KATNAL1: variants seen among roughly 807,000 people sequenced by gnomAD.
KATNAL1 encodes katanin catalytic subunit A1 like 1, also known as katanin p60 ATPase-containing subunit A-like 1.
KATNAL1 carries 32 observed loss-of-function variants against 55.2 expected under a neutral mutation model. The ratio of observed to expected loss-of-function variants is 0.58; its 90% CI spans 0.44 to 0.78. KATNAL1 has a LOEUF of 0.78. KATNAL1 is among the 30% of genes least tolerant of loss of function. The probability of loss-of-function intolerance (pLI) is 0.00; values close to 1 mark genes in which losing one functional copy is unlikely to be tolerated. For synonymous variants in KATNAL1, 193 were observed against 193.6 expected (o/e 1.00, Z 0.02); for missense variants, 466 against 600.9 (o/e 0.78, Z 2.35).
rs377235230 is a variant in KATNAL1, at chr13:30,210,468, T to C, written c.1148-26A>G. 2.5e-6 allele frequency: 4 copies of C among 1,582,504 alleles called. No individual in the cohort carries two copies. In the South Asian group the frequency reaches 3.5e-5, roughly 14 times the overall value. On this transcript the variant is annotated intron_variant, in intron 9 of 10. Coordinates refer to ENST00000380615, the MANE Select transcript of KATNAL1 (RefSeq NM_032116.5). ...CTGTTACAAGATTTTGGTGGTGTTG[T>C]TAGATGTTTTACTTTACAAATAATT...
At chr13:30,304,331 A>C (rs180996070) in intron 1 of KATNAL1, among the ~76,000 whole-genome samples, 1 of 149,954 alleles carries the variant, frequency 6.7e-6, no homozygotes. Flanking sequence ...GTGCAGCAGC[A>C]TGATCTTGGC....
At chr13:30,302,891 C>G (rs983194816) in intron 1 of KATNAL1, among the ~76,000 whole-genome samples, 14 of 152,096 alleles carry the variant, frequency 9.2e-5, no homozygotes, top group African/African-American at 3.4e-4. Flanking sequence ...CACAAAATAA[C>G]CATTCTAAAG....
At chr13:30,270,095 G>A (rs1464316052) in intron 3 of KATNAL1, among the ~76,000 whole-genome samples, 3 of 130,218 alleles carry the variant, frequency 2.3e-5, no homozygotes, top group Admixed American at 1.5e-4. Context: ...CCCCCCGCCC[G>A]GCCAGCCGCC....
At position 30,207,402 on chromosome 13, in the gene KATNAL1, T is replaced by A. The variant is rs1873248656; in HGVS notation, c.*1138A>T. The A allele has an allele frequency of 6.6e-6, 1 of 152,230 alleles. No homozygotes were observed. Among genetic ancestry groups the A allele is most frequent in the African/African-American group, 2.4e-5 (1 of 41,460 alleles). The allele number at this position is 152,230 out of a possible 1,614,324, so 9.4% of individuals were successfully genotyped here. The stretch of plus-strand genomic sequence containing the variant: ...TTTTAGAATTTTCCAATGAACATCA[T>A]TCACTATGTATGATGCTGTTTTGTT... On this transcript the variant is annotated 3_prime_UTR_variant, in exon 11 of 11. Transcript: ENST00000380615.
intron 3 of KATNAL1, among the ~76,000 whole-genome samples, chr13:30,274,899 G>A (rs1175042356): frequency 9.8e-5 from 11 of 112,328 alleles, no homozygotes; most frequent in Non-Finnish European, 1.4e-4. Context: ...ATACGCGCGC[G>A]CGCGCGCGCA....
chr13:30,249,058 CA>C (rs71093034), intron 4 of KATNAL1, among the ~76,000 whole-genome samples: 42 of 140,772 alleles, frequency 3.0e-4, no homozygotes, highest in African/African-American at 2.9e-4. Flanking sequence ...GACTCCGTCT[CA>C]AAAAAAAAAA....
At chr13:30,240,277 T>C (rs1877131415) in intron 6 of KATNAL1, among the ~76,000 whole-genome samples, 183 bp downstream of exon 6, 1 of 152,154 alleles carries the variant, frequency 6.6e-6, no homozygotes, top group Non-Finnish European at 1.5e-5. Context: ...CAAGCCCATC[T>C]CTCCTGCTAT....
At chr13:30,211,699 T>A (rs1873705794) in intron 9 of KATNAL1, among the ~76,000 whole-genome samples, 1 of 152,184 alleles carries the variant, frequency 6.6e-6, no homozygotes, top group Admixed American at 6.5e-5. Context: ...AAGGTCTATC[T>A]GTAAAAACTA....
chr13:30,210,583 C>A, intron 9 of KATNAL1, 141 bp from the exon 10 acceptor site: 3 of 398,814 alleles, frequency 7.5e-6, no homozygotes, highest in Non-Finnish European at 1.3e-5. Flanking sequence ...GTATTATTAC[C>A]AATTCACTGC....
intron 4 of KATNAL1, among the ~76,000 whole-genome samples, chr13:30,247,982 A>T (rs1360186441): frequency 6.6e-6 from 1 of 152,238 alleles, no homozygotes; most frequent in Non-Finnish European, 1.5e-5. Flanking sequence ...TTACCATATA[A>T]GAAATACCAA....
Position 30,284,565 on chromosome 13 carries a change from A to G in KATNAL1, c.-14-774T>C, listed in dbSNP as rs760003610. On this transcript the variant is annotated intron_variant, in intron 1 of 10. Transcript: ENST00000380615. ...GTTATACTTAAAGAATACATTTTAA[A>G]GAACAGTCTATAGTTGTCCATGTAC... 4.6e-5 allele frequency among the ~76,000 whole-genome samples: 7 copies of G among 152,344 alleles called. No individual in the cohort carries two copies. The South Asian group carries it at 1.2e-3, about 27-fold the overall frequency.
At chr13:30,248,046 G>A (rs946183327) in intron 4 of KATNAL1, among the ~76,000 whole-genome samples, 1 of 152,042 alleles carries the variant, frequency 6.6e-6, no homozygotes, top group African/African-American at 2.4e-5. Context: ...CTTGAAAGTG[G>A]GAAACTTAAG....
At chr13:30,305,183 T>G (rs985178674) in intron 1 of KATNAL1, among the ~76,000 whole-genome samples, 6 of 152,318 alleles carry the variant, frequency 3.9e-5, no homozygotes, top group African/African-American at 1.4e-4. Flanking sequence ...GACTGCCCTA[T>G]ATCAAGAAAA....
At chr13:30,248,401 A>C (rs7327725) in intron 4 of KATNAL1, among the ~76,000 whole-genome samples, 32,875 of 152,142 alleles carry the variant, frequency 0.22, 3,567 homozygotes, top group African/African-American at 0.25. Flanking sequence ...CAAGGTAAAA[A>C]AAATAAAAAC....
In KATNAL1 at chr13:30,284,865, G is replaced by A. The variant is rs555291095; in HGVS notation, c.-14-1074C>T. ...GAATCATCCAAGGCTTCTATGCAAA[G>A]ATACTTTCCTCCCAAGACTAAAAAG... is the stretch of plus-strand genomic sequence containing the variant. On this transcript the variant is annotated intron_variant, in intron 1 of 10. Transcript: ENST00000380615. Among the ~76,000 whole-genome samples, 154 of 152,306 alleles carry A rather than the reference G, an allele frequency of 1.0e-3. 1 individual carries two copies. The highest frequency in any genetic ancestry group is 1.7e-3 in the Non-Finnish European group (116 of 68,030).
intron 2 of KATNAL1, among the ~76,000 whole-genome samples, chr13:30,282,735 A>G (rs1303286540): frequency 6.6e-6 from 1 of 151,314 alleles, no homozygotes; most frequent in African/African-American, 2.4e-5. Context: ...CAGGCGGATC[A>G]CGAGGTCAGG....
intron 4 of KATNAL1, among the ~76,000 whole-genome samples, chr13:30,253,053 CTCATTTTCAAA>C (rs1878475123): frequency 1.3e-5 from 2 of 152,178 alleles, no homozygotes; most frequent in Non-Finnish European, 2.9e-5. Flanking sequence ...GGCCCCAACA[CTCATTTTCAAA>C]TGAGCTTTTA....
At chr13:30,209,972 C>T (rs1045140465) in intron 10 of KATNAL1, among the ~76,000 whole-genome samples, 4 of 151,866 alleles carry the variant, frequency 2.6e-5, no homozygotes, top group South Asian at 2.1e-4. Context: ...TTAGTAGAGG[C>T]GGGGTTTCAC....
At chr13:30,254,816 C>T (rs1026198446) in intron 4 of KATNAL1, among the ~76,000 whole-genome samples, 5 of 152,164 alleles carry the variant, frequency 3.3e-5, no homozygotes, top group East Asian at 3.8e-4. Context: ...CTAAGAGACA[C>T]ATCAGATCAT....
Sources: allele counts gnomAD v4.1 joint callset (sites outside exome capture counted in the v4.1 genomes callset), GRCh38; gene constraint gnomAD v4.1.1; transcripts MANE v1.5; gene names NCBI Gene and HGNC (gene_info 2026-07-23, HGNC 2026-07-21).